The following UBE2U variants were observed in gnomAD, a reference collection of about 807,000 sequenced individuals.
UBE2U encodes ubiquitin conjugating enzyme E2 U, also known as ubiquitin-conjugating enzyme E2 U.
Under a neutral mutation model 41.2 loss-of-function variants are expected in UBE2U, and 39 were observed. The observed-to-expected ratio is 0.95, with a 90% confidence interval of 0.73 to 1.24. The LOEUF (loss-of-function observed/expected upper bound fraction) is 1.24, where lower values mean the gene tolerates loss of function less well. Ranked by LOEUF, UBE2U falls within the 50% of genes most tolerant of loss-of-function variation. The probability of loss-of-function intolerance (pLI) is 0.00; values close to 1 mark genes in which losing one functional copy is unlikely to be tolerated. For synonymous variants in UBE2U, 107 were observed against 117.8 expected (o/e 0.91, Z 0.60); for missense variants, 336 against 363.1 (o/e 0.93, Z 0.61).
At chr1:64,251,287 G>T (rs1004159007) in intron 8 of UBE2U, among the ~76,000 whole-genome samples, 1 of 151,522 alleles carries the variant, frequency 6.6e-6, no homozygotes, top group Non-Finnish European at 1.5e-5. Context: ...GATTAATTAT[G>T]ATAAATAATT....
intron 6 of UBE2U, among the ~76,000 whole-genome samples, chr1:64,224,137 C>T (rs570990593): frequency 4.6e-5 from 7 of 152,022 alleles, no homozygotes; most frequent in African/African-American, 1.7e-4. Context: ...GGGGCAGGCA[C>T]GAGACAAAAC....
intron 9 of UBE2U, 58 bp downstream of exon 9, chr1:64,260,752 G>A (rs536670246): frequency 2.2e-6 from 3 of 1,368,462 alleles, no homozygotes; most frequent in South Asian, 2.6e-5. Context: ...TGCATAATAT[G>A]CATAACTTTA....
At chr1:64,210,122 G>A (rs984063987) in intron 3 of UBE2U, among the ~76,000 whole-genome samples, 16 of 152,200 alleles carry the variant, frequency 1.1e-4, no homozygotes, top group South Asian at 4.2e-4. Context: ...TGAGGCTTTT[G>A]CAGTTGTCTT....
At chr1:64,204,265 A>T in intron 1 of UBE2U, 149 bp downstream of exon 1, 1 of 617,882 alleles carries the variant, frequency 1.6e-6, no homozygotes, top group East Asian at 2.9e-5. Context: ...TCACTGAAGT[A>T]ATGTGTTTCA....
chr1:64,204,315 TAAC>T (rs1326060619), intron 1 of UBE2U, among the ~76,000 whole-genome samples, 199 bp downstream of exon 1: 3 of 152,198 alleles, frequency 2.0e-5, no homozygotes, highest in Non-Finnish European at 4.4e-5. Flanking sequence ...TAATAATGCT[TAAC>T]AATATTGAAC....
intron 6 of UBE2U, among the ~76,000 whole-genome samples, chr1:64,221,971 C>G (rs2100330889): frequency 6.6e-6 from 1 of 151,706 alleles, no homozygotes; most frequent in African/African-American, 2.4e-5. Context: ...CCTGTAGTCC[C>G]AGCTACTCGG....
chr1:64,266,812 A>G (rs990301315), intron 9 of UBE2U, among the ~76,000 whole-genome samples: 1 of 152,204 alleles, frequency 6.6e-6, no homozygotes, highest in African/African-American at 2.4e-5. Context: ...GAATGAACTA[A>G]CAAAGCATCA....
At chr1:64,240,180 C>T (rs997103797) in intron 7 of UBE2U, among the ~76,000 whole-genome samples, 1 of 152,158 alleles carries the variant, frequency 6.6e-6, no homozygotes. Context: ...TGATAGTCCA[C>T]AGAGCAAGGG....
chr1:64,259,157 T>C (rs556347994), intron 8 of UBE2U, among the ~76,000 whole-genome samples: 1 of 152,364 alleles, frequency 6.6e-6, no homozygotes, highest in Admixed American at 6.5e-5. Context: ...TTGCCCACTT[T>C]TTGACGGGGT....
chr1:64,224,595 T>G (rs1335820959), intron 6 of UBE2U, among the ~76,000 whole-genome samples: 1 of 151,954 alleles, frequency 6.6e-6, no homozygotes, highest in East Asian at 1.9e-4. Context: ...TGGTGGCGCG[T>G]GCCTGTAATC....
At chr1:64,211,650 A>G (rs1651671184) in intron 4 of UBE2U, among the ~76,000 whole-genome samples, 1 of 152,050 alleles carries the variant, frequency 6.6e-6, no homozygotes, top group Admixed American at 6.6e-5. Flanking sequence ...TATGTTGCTC[A>G]GGTTGGCCTC....
At chr1:64,230,219 C>T (rs761148842) in intron 6 of UBE2U, among the ~76,000 whole-genome samples, 1 of 152,172 alleles carries the variant, frequency 6.6e-6, no homozygotes, top group Admixed American at 6.5e-5. Context: ...CGTTTGTTTC[C>T]TATCTGGTCC....
At position 64,251,448 on chromosome 1, in the gene UBE2U, C is replaced by A. The variant is rs188650600; in HGVS notation, c.678-9155C>A. Among the ~76,000 whole-genome samples the A allele has an allele frequency of 6.3e-3, 963 of 152,162 alleles. 14 individuals carry two copies. The highest frequency in any genetic ancestry group is 0.022 in the African/African-American group (929 of 41,496). On this transcript the variant is annotated intron_variant, in intron 8 of 9. Transcript: ENST00000371077. ...CAATAGATGAAAAGAAATTCTGTAT[C>A]CATTTCTGATTTAAAAAAGAGAAAA...
chr1:64,206,929 T>G (rs1651333975), intron 3 of UBE2U, 73 bp downstream of exon 3: 1 of 905,596 alleles, frequency 1.1e-6, no homozygotes, highest in Non-Finnish European at 1.7e-6. Flanking sequence ...ATAATCATGT[T>G]TCTTTTTAAG....
chr1:64,249,819 C>A (rs1436779837), intron 8 of UBE2U, among the ~76,000 whole-genome samples: 1 of 151,722 alleles, frequency 6.6e-6, no homozygotes, highest in African/African-American at 2.4e-5. Context: ...AAATGGTGTT[C>A]CAGAGGAAGG....
At chr1:64,260,266 A>G (rs2100545381) in intron 8 of UBE2U, among the ~76,000 whole-genome samples, 1 of 152,262 alleles carries the variant, frequency 6.6e-6, no homozygotes, top group South Asian at 2.1e-4. Context: ...TAAGTCACCA[A>G]GTTTGTGGTC....
intron 8 of UBE2U, among the ~76,000 whole-genome samples, chr1:64,242,447 A>G (rs1047009112): frequency 2.0e-5 from 3 of 152,012 alleles, no homozygotes; most frequent in Non-Finnish European, 4.4e-5. Context: ...TAAAGATCCT[A>G]TTTTTTGTGT....
intron 8 of UBE2U, among the ~76,000 whole-genome samples, chr1:64,258,055 C>G (rs964858118): frequency 2.6e-5 from 4 of 152,168 alleles, no homozygotes; most frequent in Non-Finnish European, 4.4e-5. Flanking sequence ...AGGAACAAGG[C>G]AAGGATGTCT....
At chr1:64,265,411 T>C (rs1490408797) in intron 9 of UBE2U, among the ~76,000 whole-genome samples, 1 of 152,192 alleles carries the variant, frequency 6.6e-6, no homozygotes, top group Non-Finnish European at 1.5e-5. Flanking sequence ...AATATGTTCA[T>C]GGAAAATAAA....
Sources: gnomAD v4.1 joint callset for allele counts (sites outside exome capture counted in the v4.1 genomes callset) on GRCh38, gnomAD v4.1.1 for gene constraint, MANE v1.5 for transcripts, NCBI Gene and HGNC (gene_info 2026-07-23, HGNC 2026-07-21) for gene names.